The following CFHR5 variants were observed in gnomAD, a reference collection of about 807,000 sequenced individuals.
CFHR5 encodes the protein complement factor H related 5.
Under a neutral mutation model 62.9 loss-of-function variants are expected in CFHR5, and 73 were observed. The ratio of observed to expected loss-of-function variants is 1.16; its 90% CI spans 0.96 to 1.41. CFHR5 has a LOEUF of 1.41. CFHR5 is among the 40% of genes most tolerant of loss of function. The probability of loss-of-function intolerance (pLI) is 0.00; values close to 1 mark genes in which losing one functional copy is unlikely to be tolerated. For missense variants in CFHR5, 779 were observed against 679.9 expected (o/e 1.15, Z -1.62); for synonymous variants, 249 against 227.2 (o/e 1.10, Z -0.86).
rs150742682 is a variant in CFHR5 at position 197,004,754 on chromosome 1, C to A, written c.1424C>A (p.Thr475Lys). The change falls in exon 9 of 10, where the codon ACG becomes AAG. Residue 475 changes from threonine (T) to lysine (K), a missense_variant. Thr to Lys is a moderately conservative substitution (Grantham distance 78). Transcript: ENST00000256785. ...LSVYPPGSTV[T>K]YRCQSFYKLQ... Reference sequence around the variant, plus strand: ...GTATATCCTCCAGGGTCAACAGTGACGTACCGTTGCCAGTCCTTCTATAAA... The same window carrying A: ...GTATATCCTCCAGGGTCAACAGTGAAGTACCGTTGCCAGTCCTTCTATAAA... 6.2e-7 allele frequency: 1 copy of A among 1,612,502 alleles called. No homozygotes were observed. The highest frequency in any genetic ancestry group is 8.5e-7 in the Non-Finnish European group (1 of 1,178,736).
Position 196,996,125 on chromosome 1 carries a change from A to G in CFHR5, c.894A>G (p.Arg298=), listed in dbSNP as rs1310980236. 3.7e-6 allele frequency: 6 copies of G among 1,613,524 alleles called. No individual in the cohort carries two copies. In the South Asian group the frequency reaches 6.6e-5, roughly 18 times the overall value. Residue 298 remains arginine (R), a synonymous_variant, in exon 6 of 10, where the codon AGA becomes AGG. Coordinates refer to ENST00000256785, the MANE Select transcript of CFHR5 (RefSeq NM_030787.4). ...GAGTTTCAGTCGAGGTGAATTGCAG[A>G]AATGAATATGCAATGATTGGAAATA... ...QHGVSVEVNC[R]NEYAMIGNNM... is the part of the protein sequence containing the mutation.
intron 1 of CFHR5, among the ~76,000 whole-genome samples, chr1:196,978,722 C>T (rs942008662): frequency 6.6e-6 from 1 of 151,938 alleles, no homozygotes; most frequent in Middle Eastern, 3.2e-3. Flanking sequence ...CACAAGAGTG[C>T]GATTGCATGA....
intron 9 of CFHR5, among the ~76,000 whole-genome samples, chr1:197,007,441 CT>C (rs1371387651): frequency 2.6e-5 from 4 of 151,762 alleles, no homozygotes; most frequent in Non-Finnish European, 5.9e-5. Flanking sequence ...TGAAAGAATG[CT>C]TGTCTACACG....
chr1:196,975,793 C>T (rs1653382939), upstream of CFHR5, among the ~76,000 whole-genome samples: 1 of 152,172 alleles, frequency 6.6e-6, no homozygotes, highest in Non-Finnish European at 1.5e-5. Flanking sequence ...TGTAGACACA[C>T]TCTGCTGCTT....
Position 197,004,738 on chromosome 1 carries a change from C to G in CFHR5, c.1408C>G (p.Pro470Ala). 1.2e-6 allele frequency: 2 copies of G among 1,613,244 alleles called. No individual in the cohort carries two copies. The highest frequency in any genetic ancestry group is 8.5e-7 in the Non-Finnish European group (1 of 1,179,284). The change falls in exon 9 of 10, where the codon CCA (proline) becomes GCA (alanine). Residue 470 changes from proline to alanine, a missense_variant. Transcript: ENST00000256785. ...CTCATTCCCATTATCAGTATATCCTCCAGGGTCAACAGTGACGTACCGTTG... is the reference window on the plus strand; with the variant it reads ...CTCATTCCCATTATCAGTATATCCTGCAGGGTCAACAGTGACGTACCGTTG... ...TTSFPLSVYP[P>A]GSTVTYRCQS...
intron 6 of CFHR5, among the ~76,000 whole-genome samples, chr1:196,997,212 G>A (rs1654015645): frequency 6.6e-6 from 1 of 152,084 alleles, no homozygotes; most frequent in African/African-American, 2.4e-5. Flanking sequence ...CGTTGTCCCA[G>A]CAAATACCTG....
intron 6 of CFHR5, 59 bp downstream of exon 6, chr1:196,996,260 T>TA: frequency 7.5e-7 from 1 of 1,342,158 alleles, no homozygotes; most frequent in East Asian, 2.3e-5. Context: ...TGGGATTGTA[T>TA]AAAGTGTATA....
chr1:196,989,116 G>A (rs970382099), intron 3 of CFHR5, among the ~76,000 whole-genome samples: 1 of 152,150 alleles, frequency 6.6e-6, no homozygotes, highest in African/African-American at 2.4e-5. Context: ...ATGTGTCGAG[G>A]AATTTATCCA....
At chr1:196,978,614 T>C (rs1174749461) in intron 1 of CFHR5, among the ~76,000 whole-genome samples, 2 of 152,204 alleles carry the variant, frequency 1.3e-5, no homozygotes, top group African/African-American at 4.8e-5. Flanking sequence ...TAAAATGCTT[T>C]CTTTTTAAGA....
intron 8 of CFHR5, among the ~76,000 whole-genome samples, chr1:197,003,560 T>C (rs1654204976): frequency 6.6e-6 from 1 of 152,194 alleles, no homozygotes. Context: ...AAACATCAGA[T>C]ATGGCAAAGA....
chr1:196,998,274 G>C lies in CFHR5; in HGVS notation c.1117G>C (p.Gly373Arg), dbSNP rs748127696. The change falls in exon 7 of 10, where the codon GGG (glycine) becomes CGG (arginine). Residue 373 changes from glycine to arginine, a missense_variant. Coordinates refer to ENST00000256785, the MANE Select transcript of CFHR5 (RefSeq NM_030787.4). ...FRYRHSVCIN[G>R]KWNPEVDCTE... ...ATACAGGCACTCAGTCTGTATAAAC[G>C]GGAAATGGAATCCTGAAGTAGACTG... 6 of 1,611,304 alleles carry C rather than the reference G, an allele frequency of 3.7e-6. No homozygotes were observed. Among genetic ancestry groups the C allele is most frequent in the Non-Finnish European group, 8.5e-7 (1 of 1,178,442 alleles).
At chr1:196,982,082 A>C (rs1357811727) in intron 1 of CFHR5, among the ~76,000 whole-genome samples, 2 of 152,152 alleles carry the variant, frequency 1.3e-5, no homozygotes, top group African/African-American at 2.4e-5. Context: ...GAATATTAAT[A>C]AACAAAAAAT....
intron 7 of CFHR5, among the ~76,000 whole-genome samples, chr1:196,999,899 AAAT>A (rs1039488096): frequency 1.9e-4 from 29 of 150,514 alleles, no homozygotes; most frequent in Admixed American, 6.6e-4. Context: ...GAGGAAAAGG[AAAT>A]AATAAAAGTA....
intron 3 of CFHR5, among the ~76,000 whole-genome samples, chr1:196,987,746 T>C (rs1164140256): frequency 6.6e-6 from 1 of 152,222 alleles, no homozygotes; most frequent in Non-Finnish European, 1.5e-5. Context: ...ACCAGTACCA[T>C]GCTGTTTTGG....
In CFHR5 at chr1:196,994,260, A is replaced by G. The variant is rs190137007; in HGVS notation, c.607+4A>G. ...CCTAACTTTCCAACATGCAAAGGTCAGTATTTATTTTAGAAGTGATGAAAC... is the reference window on the plus strand; with the variant it reads ...CCTAACTTTCCAACATGCAAAGGTCGGTATTTATTTTAGAAGTGATGAAAC... On this transcript the variant is annotated splice_donor_region_variant and intron_variant, in intron 4 of 9. Coordinates refer to ENST00000256785, the MANE Select transcript of CFHR5 (RefSeq NM_030787.4). The G allele has an allele frequency of 7.5e-6, 12 of 1,607,846 alleles. No homozygotes were observed. The African/African-American group carries it at 1.3e-4, about 18-fold the overall frequency.
chr1:196,987,270 C>T (rs1653715517), intron 3 of CFHR5, among the ~76,000 whole-genome samples: 1 of 151,996 alleles, frequency 6.6e-6, no homozygotes, highest in Non-Finnish European at 1.5e-5. Context: ...AGCCCTTTAT[C>T]AGATGGGTAG....
At position 196,996,068 on chromosome 1, in the gene CFHR5, T is replaced by C. The variant is rs1471599623; in HGVS notation, c.837T>C (p.Tyr279=). 3 of 1,613,818 alleles carry C rather than the reference T, an allele frequency of 1.9e-6. No homozygotes were observed. The highest frequency in any genetic ancestry group is 2.5e-6 in the Non-Finnish European group (3 of 1,179,744). The part of the protein sequence containing the change: ...CGYIPELEYG[Y]VQPSVPPYQH... Reference sequence around the variant, plus strand: ...ACATACCTGAACTCGAGTACGGTTATGTTCAGCCGTCTGTCCCTCCCTATC... The same window carrying C: ...ACATACCTGAACTCGAGTACGGTTACGTTCAGCCGTCTGTCCCTCCCTATC... The change falls in exon 6 of 10, where the codon TAT becomes TAC. Residue 279 remains tyrosine, a synonymous_variant. Coordinates refer to ENST00000256785, the MANE Select transcript of CFHR5 (RefSeq NM_030787.4).
At chr1:196,985,356 C>G (rs1653655373) in intron 3 of CFHR5, among the ~76,000 whole-genome samples, 1 of 152,016 alleles carries the variant, frequency 6.6e-6, no homozygotes, top group African/African-American at 2.4e-5. Context: ...AAAAACAAAA[C>G]AAAGTAAAGC....
At chr1:196,995,556 G>A (rs894707643) in intron 4 of CFHR5, among the ~76,000 whole-genome samples, 161 bp from the exon 5 acceptor site, 13 of 152,018 alleles carry the variant, frequency 8.6e-5, no homozygotes, top group East Asian at 1.9e-4. Flanking sequence ...TTGAGGAAAC[G>A]AATGCAGTCA....
Sources: gnomAD v4.1 joint callset for allele counts (sites outside exome capture counted in the v4.1 genomes callset) on GRCh38, gnomAD v4.1.1 for gene constraint, MANE v1.5 for transcripts, NCBI Gene and HGNC (gene_info 2026-07-23, HGNC 2026-07-21) for gene names.